Variants in MEI4 observed in about 807,000 individuals in gnomAD.
The protein encoded by MEI4 is meiosis-specific protein MEI4.
MEI4 carries 27 observed loss-of-function variants against 31.4 expected under a neutral mutation model. That is an observed-to-expected ratio of 0.86 (90% CI 0.63 to 1.19). The LOEUF is 1.19. Among genes scored for constraint, MEI4 ranks in the 50% most tolerant of loss-of-function variants. The pLI is 0.00. For missense variants in MEI4, 329 were observed against 398.9 expected (o/e 0.82, Z 1.49); for synonymous variants, 122 against 145.4 (o/e 0.84, Z 1.16).
At chr6:77,684,502 A>G (rs1048984001) in intron 1 of MEI4, among the ~76,000 whole-genome samples, 1 of 151,426 alleles carries the variant, frequency 6.6e-6, no homozygotes, top group Non-Finnish European at 1.5e-5. Flanking sequence ...CAGGTCCCCC[A>G]CTACCCTTCG....
chr6:77,668,388 T>C (rs1768677294), intron 1 of MEI4, among the ~76,000 whole-genome samples: 1 of 152,192 alleles, frequency 6.6e-6, no homozygotes, highest in Admixed American at 6.5e-5. Flanking sequence ...AAATTTTCAG[T>C]ACTGTTCATG....
chr6:77,757,295 A>G (rs1378825423), intron 2 of MEI4, among the ~76,000 whole-genome samples: 1 of 152,234 alleles, frequency 6.6e-6, no homozygotes, highest in Non-Finnish European at 1.5e-5. Flanking sequence ...GTAAAATCCC[A>G]GCATAGTTCT....
At chr6:77,772,611 TATC>T (rs1768344853) in intron 3 of MEI4, among the ~76,000 whole-genome samples, 1 of 152,010 alleles carries the variant, frequency 6.6e-6, no homozygotes, top group African/African-American at 2.4e-5. Flanking sequence ...CCACAGCCAG[TATC>T]ATACTGAATG....
Position 77,883,836 on chromosome 6 carries a change from G to A in MEI4, c.901-39253G>A, listed in dbSNP as rs115551849. On this transcript the variant is annotated intron_variant, in intron 4 of 4. Transcript: ENST00000684080. Reference sequence around the variant, plus strand: ...AATAGTGCTACAGTGAACAGTGGGGGTGCATGTGTACATTTGATATACTGA... The same window carrying A: ...AATAGTGCTACAGTGAACAGTGGGGATGCATGTGTACATTTGATATACTGA... 5.9e-3 allele frequency among the ~76,000 whole-genome samples: 887 copies of A among 149,290 alleles called. 11 individuals are homozygous for A. Among genetic ancestry groups the A allele is most frequent in the African/African-American group, 0.021 (851 of 40,348 alleles).
Position 77,679,240 on chromosome 6 carries a change from A to T in MEI4, c.-14-11418A>T, listed in dbSNP as rs375572922. Reference sequence around the variant, plus strand: ...AGTAATGTGCTAGGCCTTCACATTCACTCACCACTCCCTCATGGACTCACC... The same window carrying T: ...AGTAATGTGCTAGGCCTTCACATTCTCTCACCACTCCCTCATGGACTCACC... On this transcript the variant is annotated intron_variant, in intron 1 of 4. Transcript: ENST00000684080. 1.4e-4 allele frequency among the ~76,000 whole-genome samples: 21 copies of T among 152,282 alleles called. No individual in the cohort carries two copies. The East Asian group carries it at 2.7e-3, about 20-fold the overall frequency.
intron 4 of MEI4, among the ~76,000 whole-genome samples, chr6:77,918,077 T>C (rs2127741405): frequency 6.6e-6 from 1 of 151,190 alleles, no homozygotes; most frequent in South Asian, 2.1e-4. Context: ...CAGATAGTTG[T>C]AGATATGTGG....
At chr6:77,800,068 C>G (rs1769204759) in intron 3 of MEI4, among the ~76,000 whole-genome samples, 1 of 152,110 alleles carries the variant, frequency 6.6e-6, no homozygotes, top group East Asian at 1.9e-4. Flanking sequence ...GGCATTGAAT[C>G]TATAAATTAC....
At chr6:77,666,728 T>C (rs1768641049) in intron 1 of MEI4, among the ~76,000 whole-genome samples, 1 of 151,750 alleles carries the variant, frequency 6.6e-6, no homozygotes, top group Admixed American at 6.6e-5. Context: ...GAAATGATTT[T>C]TTATGGTGAT....
At chr6:77,873,232 G>A (rs1045683287) in intron 4 of MEI4, among the ~76,000 whole-genome samples, 3 of 152,288 alleles carry the variant, frequency 2.0e-5, no homozygotes, top group Admixed American at 6.5e-5. Flanking sequence ...GTGTAAAAGT[G>A]TTCCTGTTTC....
At position 77,820,111 on chromosome 6, in the gene MEI4, G is replaced by A. The variant is rs1020058894; in HGVS notation, c.769-8820G>A. Among the ~76,000 whole-genome samples, 2 of 152,072 alleles carry A rather than the reference G, an allele frequency of 1.3e-5. No homozygotes were observed. The highest frequency in any genetic ancestry group is 4.8e-5 in the African/African-American group (2 of 41,418). Reference sequence around the variant, plus strand: ...CTTGGCAGTGTCAGTATCAGGATATGAGTTGTTTTGATAGAAACGAAACTG... The same window carrying A: ...CTTGGCAGTGTCAGTATCAGGATATAAGTTGTTTTGATAGAAACGAAACTG... On this transcript the variant is annotated intron_variant, in intron 3 of 4. Coordinates refer to ENST00000684080, the MANE Select transcript of MEI4 (RefSeq NM_001322247.2). This position sits in a 1 kb window ranked among gnomAD's most constrained non-coding sequence, Gnocchi z 4.5.
intron 3 of MEI4, among the ~76,000 whole-genome samples, chr6:77,766,581 T>C (rs1768181069): frequency 1.3e-5 from 2 of 151,944 alleles, no homozygotes; most frequent in South Asian, 4.2e-4. Flanking sequence ...ACCCGGCTAA[T>C]TTTTTTGTAT....
chr6:77,742,650 T>C (rs1158811923), intron 2 of MEI4, among the ~76,000 whole-genome samples: 1 of 152,240 alleles, frequency 6.6e-6, no homozygotes, highest in South Asian at 2.1e-4. Context: ...CAATTTTGGC[T>C]TTTGTTGCCA....
At position 77,880,233 on chromosome 6, in the gene MEI4, TG is replaced by T. The variant is rs1338480043; in HGVS notation, c.901-42855del. 5.0e-3 allele frequency among the ~76,000 whole-genome samples: 667 copies of T among 133,888 alleles called. 5 individuals are homozygous for T. The highest frequency in any genetic ancestry group is 0.018 in the African/African-American group (622 of 35,016). 87.8% of individuals were successfully genotyped at this position (133,888 alleles called of 152,430 possible). A position where few individuals can be genotyped will look rare whatever the true frequency, so the allele number is the denominator to read the frequency against. On this transcript the variant is annotated intron_variant, in intron 4 of 4. Coordinates refer to ENST00000684080, the MANE Select transcript of MEI4 (RefSeq NM_001322247.2). ...GTATTATTGTGGGGTTTTTTTTGTT[TG>T]TTTTTTTTTTTTTTGAGACAGAGTC...
intron 3 of MEI4, among the ~76,000 whole-genome samples, chr6:77,773,343 T>G (rs762684252): frequency 6.6e-6 from 1 of 151,854 alleles, no homozygotes; most frequent in Non-Finnish European, 1.5e-5. Context: ...GACATACAAA[T>G]CAATGGAACA....
chr6:77,730,572 C>T (rs149669924), intron 2 of MEI4, among the ~76,000 whole-genome samples: 3 of 151,274 alleles, frequency 2.0e-5, no homozygotes, highest in Non-Finnish European at 4.4e-5. Context: ...TTATTCAGTC[C>T]CTTTTAATTC....
chr6:77,653,587 C>T (rs976546058), intron 1 of MEI4, among the ~76,000 whole-genome samples: 1 of 152,014 alleles, frequency 6.6e-6, no homozygotes, highest in Non-Finnish European at 1.5e-5. Context: ...TTTTATTGTT[C>T]AATTTAAAAG....
At chr6:77,684,200 G>GCA (rs34531786) in intron 1 of MEI4, among the ~76,000 whole-genome samples, 123,211 of 151,974 alleles carry the variant, frequency 0.81, 50,188 homozygotes, top group East Asian at 0.95. Context: ...CATGTATTTT[G>GCA]CATTTTTAGT....
At chr6:77,728,527 A>C (rs926301247) in intron 2 of MEI4, among the ~76,000 whole-genome samples, 3 of 152,260 alleles carry the variant, frequency 2.0e-5, no homozygotes, top group Admixed American at 6.5e-5. Flanking sequence ...TGGAGGATGT[A>C]GACATTAAAA....
At chr6:77,921,255 A>G (rs1231035897) in intron 4 of MEI4, among the ~76,000 whole-genome samples, 4 of 151,956 alleles carry the variant, frequency 2.6e-5, no homozygotes, top group African/African-American at 9.6e-5. Flanking sequence ...ATTTTATGTT[A>G]TAAAGGTGGC....
Sources: gnomAD v4.1 joint callset for allele counts (sites outside exome capture counted in the v4.1 genomes callset) on GRCh38, gnomAD v4.1.1 for gene constraint, Gnocchi (gnomAD v3.1) non-coding constraint, MANE v1.5 for transcripts, NCBI Gene and HGNC (gene_info 2026-07-23, HGNC 2026-07-21) for gene names.